Variants in REDIC1 observed in about 807,000 individuals in gnomAD.
The protein encoded by REDIC1 is HEI10 Interacting Protein 1.
the REDIC1 span, among the ~76,000 whole-genome samples, chr12:39,801,675 C>T: frequency 2.6e-5 from 4 of 152,208 alleles, no homozygotes; most frequent in Admixed American, 2.0e-4. Flanking sequence ...AGCTCTGCCA[C>T]TTAACTGGTT....
the REDIC1 span, among the ~76,000 whole-genome samples, chr12:39,783,824 C>T: frequency 9.2e-5 from 14 of 152,084 alleles, no homozygotes; most frequent in Admixed American, 8.5e-4. Flanking sequence ...ATTTAGAAAA[C>T]CCCATCGTCG....
the REDIC1 span, among the ~76,000 whole-genome samples, chr12:39,747,155 C>G: frequency 6.6e-6 from 1 of 152,136 alleles, no homozygotes. Context: ...TCAAACCCAT[C>G]ACAAATAAGC....
At chr12:39,654,609 G>T in the REDIC1 span, among the ~76,000 whole-genome samples, 1 of 151,974 alleles carries the variant, frequency 6.6e-6, no homozygotes, top group East Asian at 1.9e-4. Context: ...AAACTGCTTG[G>T]TGTATAATCC....
chr12:39,760,081 C>T, the REDIC1 span: 8 of 1,612,696 alleles, frequency 5.0e-6, no homozygotes, highest in South Asian at 1.1e-5. Flanking sequence ...TCCCTTTACC[C>T]GAATATATTC....
the REDIC1 span, among the ~76,000 whole-genome samples, chr12:39,834,418 T>C: frequency 6.6e-6 from 1 of 152,066 alleles, no homozygotes; most frequent in Non-Finnish European, 1.5e-5. Context: ...TTTAATTTCA[T>C]TTCTCTGGCC....
At chr12:39,727,856 A>G in the REDIC1 span, among the ~76,000 whole-genome samples, 1 of 152,168 alleles carries the variant, frequency 6.6e-6, no homozygotes, top group Non-Finnish European at 1.5e-5. Context: ...TTCTCCTTGA[A>G]GAGATCCTTC....
chr12:39,775,882 C>T, the REDIC1 span, among the ~76,000 whole-genome samples: 1 of 152,202 alleles, frequency 6.6e-6, no homozygotes, highest in Non-Finnish European at 1.5e-5. Context: ...ATTATGCTTA[C>T]TGGTTGAGCA....
the REDIC1 span, among the ~76,000 whole-genome samples, chr12:39,904,639 G>A: frequency 9.3e-4 from 141 of 152,160 alleles, no homozygotes; most frequent in South Asian, 3.1e-3. Context: ...GTCCTATCAC[G>A]TGCCTTCTTC....
the REDIC1 span, among the ~76,000 whole-genome samples, chr12:39,748,436 T>C: frequency 6.6e-6 from 1 of 152,170 alleles, no homozygotes; most frequent in East Asian, 1.9e-4. Flanking sequence ...CTTAGAGACC[T>C]AGAAAGAGAC....
the REDIC1 span, among the ~76,000 whole-genome samples, chr12:39,862,623 C>T: frequency 6.6e-6 from 1 of 152,172 alleles, no homozygotes; most frequent in Non-Finnish European, 1.5e-5. Context: ...TCTACATTTA[C>T]AAAGTGAACT....
the REDIC1 span, among the ~76,000 whole-genome samples, chr12:39,724,327 T>C: frequency 6.6e-6 from 1 of 152,254 alleles, no homozygotes; most frequent in East Asian, 1.9e-4. Context: ...CCCAAATTAC[T>C]GAATCAAAAT....
At chr12:39,784,639 C>G in the REDIC1 span, among the ~76,000 whole-genome samples, 1 of 152,156 alleles carries the variant, frequency 6.6e-6, no homozygotes, top group Admixed American at 6.5e-5. Context: ...AAAATCTAGG[C>G]AATACCATTG....
the REDIC1 span, chr12:39,720,909 G>A: frequency 3.7e-6 from 6 of 1,613,464 alleles, no homozygotes; most frequent in Admixed American, 5.0e-5. Context: ...CAGGTGACAG[G>A]ATTGTTAAAA....
the REDIC1 span, among the ~76,000 whole-genome samples, chr12:39,746,602 A>T: frequency 6.6e-6 from 1 of 152,240 alleles, no homozygotes; most frequent in Non-Finnish European, 1.5e-5. Context: ...AGAGAGTTTG[A>T]GATCTGAGAA....
chr12:39,708,017 A>C, the REDIC1 span, among the ~76,000 whole-genome samples: 1 of 151,824 alleles, frequency 6.6e-6, no homozygotes, highest in Non-Finnish European at 1.5e-5. Flanking sequence ...TAGGAAAGGT[A>C]GTTGTGGGGT....
At chr12:39,756,175 C>T in the REDIC1 span, 5 of 151,878 alleles carry the variant, frequency 3.3e-5, no homozygotes, top group Admixed American at 3.3e-4. Context: ...AATTAATCCA[C>T]AGAACAATTC....
the REDIC1 span, chr12:39,907,999 A>C: frequency 6.6e-6 from 1 of 151,554 alleles, no homozygotes; most frequent in Non-Finnish European, 1.5e-5. Context: ...GGAACTTCTC[A>C]GGGATGCAAA....
At chr12:39,903,960 TA>T in the REDIC1 span, among the ~76,000 whole-genome samples, 10 of 152,082 alleles carry the variant, frequency 6.6e-5, no homozygotes, top group African/African-American at 2.4e-4. Flanking sequence ...AGGATACTGC[TA>T]TTTATCAGAT....
chr12:39,807,170 A>G, the REDIC1 span, among the ~76,000 whole-genome samples: 2 of 151,860 alleles, frequency 1.3e-5, no homozygotes, highest in Non-Finnish European at 2.9e-5. Context: ...TTTTGCGCCA[A>G]CCTAGTGGTC....
Sources: gnomAD v4.1 joint callset for allele counts (sites outside exome capture counted in the v4.1 genomes callset) on GRCh38, gnomAD v4.1.1 for gene constraint, MANE v1.5 for transcripts, NCBI Gene and HGNC (gene_info 2026-07-23, HGNC 2026-07-21) for gene names.